The following HPSE2 variants were observed in gnomAD, a reference collection of about 807,000 sequenced individuals.
HPSE2 encodes inactive heparanase-2.
Under a neutral mutation model 60.5 loss-of-function variants are expected in HPSE2, and 38 were observed. The observed-to-expected ratio is 0.63, with a 90% CI of 0.48 to 0.82. The LOEUF is 0.82. Among genes scored for constraint, HPSE2 ranks in the 40% least tolerant of loss-of-function variants. The pLI is 0.00. For missense variants in HPSE2, 713 were observed against 740.4 expected (o/e 0.96, Z 0.43); for synonymous variants, 295 against 293.2 (o/e 1.01, Z -0.06).
chr10:99,179,791 C>T (rs571770493), intron 2 of HPSE2, among the ~76,000 whole-genome samples: 8 of 149,558 alleles, frequency 5.3e-5, no homozygotes, highest in African/African-American at 2.0e-4. Flanking sequence ...CAAAAAGGAG[C>T]CCACATAGCC....
chr10:98,611,039 C>T (rs981233435), intron 9 of HPSE2, among the ~76,000 whole-genome samples: 6 of 151,210 alleles, frequency 4.0e-5, no homozygotes, highest in East Asian at 3.8e-4. Flanking sequence ...CAAGGGAGCC[C>T]GTGACTGACT....
At chr10:98,563,549 T>C (rs889503574) in intron 9 of HPSE2, among the ~76,000 whole-genome samples, 5 of 152,158 alleles carry the variant, frequency 3.3e-5, no homozygotes, top group African/African-American at 1.2e-4. Flanking sequence ...AATGGGTAAA[T>C]TGTAGCTCAT....
At chr10:98,759,993 A>C (rs1949969209) in intron 3 of HPSE2, among the ~76,000 whole-genome samples, 1 of 151,940 alleles carries the variant, frequency 6.6e-6, no homozygotes, top group African/African-American at 2.4e-5. Context: ...TAGTATGCAA[A>C]TCTTTCACTT....
chr10:98,730,941 T>C lies in HPSE2; in HGVS notation c.785-9113A>G, dbSNP rs746213761. Among the ~76,000 whole-genome samples the C allele has an allele frequency of 1.3e-3, 200 of 152,182 alleles. 1 individual carries two copies. The highest frequency in any genetic ancestry group is 2.3e-3 in the Non-Finnish European group (156 of 68,042). ...AAAATGGAGGAAGAGGGAACACTTT[T>C]CAACTTATGTTATGAGGCCAATATT... On this transcript the variant is annotated intron_variant, in intron 4 of 11. Transcript: ENST00000370552.
At chr10:99,210,462 T>C (rs939585117) in intron 2 of HPSE2, among the ~76,000 whole-genome samples, 2 of 152,142 alleles carry the variant, frequency 1.3e-5, no homozygotes, top group African/African-American at 4.8e-5. Flanking sequence ...ACGATGATAC[T>C]ACAAGAAAAG....
At chr10:98,566,453 G>A (rs1416987841) in intron 9 of HPSE2, among the ~76,000 whole-genome samples, 2 of 152,190 alleles carry the variant, frequency 1.3e-5, no homozygotes, top group Non-Finnish European at 2.9e-5. Context: ...TTTGGGGATG[G>A]AGAACCTTTC....
intron 3 of HPSE2, among the ~76,000 whole-genome samples, chr10:99,012,539 T>C (rs1479002556): frequency 2.0e-5 from 3 of 152,188 alleles, no homozygotes; most frequent in Non-Finnish European, 2.9e-5. Context: ...CCAGTACTTA[T>C]CTCATTATGG....
At chr10:98,562,669 T>C (rs1374909433) in intron 9 of HPSE2, among the ~76,000 whole-genome samples, 1 of 141,186 alleles carries the variant, frequency 7.1e-6, no homozygotes, top group African/African-American at 2.7e-5. Context: ...GAGCCGAGAT[T>C]GCACCACTGC....
chr10:98,898,761 A>C (rs1293321618), intron 3 of HPSE2, among the ~76,000 whole-genome samples: 3 of 152,234 alleles, frequency 2.0e-5, no homozygotes, highest in Non-Finnish European at 4.4e-5. Context: ...GATGGACTGC[A>C]GAATGTAACA....
intron 2 of HPSE2, among the ~76,000 whole-genome samples, chr10:99,167,481 A>T (rs901082291): frequency 2.0e-5 from 3 of 152,220 alleles, no homozygotes; most frequent in Non-Finnish European, 4.4e-5. Context: ...CTTTTCACAT[A>T]AGAACTTCCA....
chr10:98,554,756 TG>T (rs542482835), intron 9 of HPSE2, among the ~76,000 whole-genome samples: 41 of 152,350 alleles, frequency 2.7e-4, no homozygotes, highest in African/African-American at 9.4e-4. Flanking sequence ...CACACTAGTC[TG>T]GAAATTAAGA....
intron 8 of HPSE2, among the ~76,000 whole-genome samples, chr10:98,615,896 G>T (rs530881811): frequency 6.6e-6 from 1 of 152,166 alleles, no homozygotes; most frequent in East Asian, 1.9e-4. Context: ...TTCACAACTT[G>T]TCCTAAACAT....
At chr10:98,860,728 G>T (rs957996266) in intron 3 of HPSE2, among the ~76,000 whole-genome samples, 2 of 152,124 alleles carry the variant, frequency 1.3e-5, no homozygotes, top group African/African-American at 4.8e-5. Flanking sequence ...ACTTTTGAAA[G>T]CCCTTTCAAC....
the HPSE2 span, among the ~76,000 whole-genome samples, chr10:99,303,710 TTGC>T: frequency 6.6e-6 from 1 of 152,198 alleles, no homozygotes; most frequent in Non-Finnish European, 1.5e-5. Flanking sequence ...TCTCTGCTAC[TTGC>T]TTAAAAGAAT....
At chr10:98,679,655 C>T (rs1456372755) in intron 6 of HPSE2, among the ~76,000 whole-genome samples, 4 of 151,916 alleles carry the variant, frequency 2.6e-5, no homozygotes, top group African/African-American at 9.7e-5. Context: ...TTTTCTTGTG[C>T]CTACATGGAA....
chr10:98,507,664 C>G (rs141711600), intron 9 of HPSE2, among the ~76,000 whole-genome samples: 170 of 152,100 alleles, frequency 1.1e-3, no homozygotes, highest in African/African-American at 4.0e-3. Flanking sequence ...ACTCCGTCCT[C>G]CCCCTCTCTA....
In HPSE2 at chr10:98,834,147, T is replaced by C. The variant is rs560668982; in HGVS notation, c.611-90091A>G. On this transcript the variant is annotated intron_variant, in intron 3 of 11. Coordinates refer to ENST00000370552, the MANE Select transcript of HPSE2 (RefSeq NM_021828.5). ...TCAGAGATGCCAAATTGTGAAGAAA[T>C]GACAAGACTTATAGCTTCCTTACTA... is the stretch of plus-strand genomic sequence containing the variant. Among the ~76,000 whole-genome samples, 4 of 152,160 alleles carry C rather than the reference T, an allele frequency of 2.6e-5. No homozygotes were observed. In the South Asian group the frequency reaches 8.3e-4, roughly 32 times the overall value.
intron 6 of HPSE2, among the ~76,000 whole-genome samples, chr10:98,664,517 G>T (rs1286002244): frequency 6.6e-6 from 1 of 152,120 alleles, no homozygotes; most frequent in African/African-American, 2.4e-5. Flanking sequence ...CTCTTCCAAG[G>T]CCCAGGAATG....
intron 3 of HPSE2, among the ~76,000 whole-genome samples, chr10:98,766,014 C>T (rs1465005790): frequency 1.3e-5 from 2 of 151,768 alleles, no homozygotes; most frequent in Non-Finnish European, 2.9e-5. Context: ...TCAAAAAGAT[C>T]AGTAAAATTG....
Sources: allele counts gnomAD v4.1 joint callset (sites outside exome capture counted in the v4.1 genomes callset), GRCh38; gene constraint gnomAD v4.1.1; transcripts MANE v1.5; gene names NCBI Gene and HGNC (gene_info 2026-07-23, HGNC 2026-07-21).